SPON1: variants seen among roughly 807,000 people sequenced by gnomAD.
The protein encoded by SPON1 is spondin-1.
Under a neutral mutation model 111.7 loss-of-function variants are expected in SPON1, and 52 were observed. The observed-to-expected ratio is 0.47, with a 90% CI of 0.37 to 0.59. The LOEUF (loss-of-function observed/expected upper bound fraction) is 0.59, where lower values mean the gene tolerates loss of function less well. Among genes scored for constraint, SPON1 ranks in the 20% least tolerant of loss-of-function variants. SPON1 has a pLI of 0.00. For missense variants in SPON1, 957 were observed against 1,068.5 expected, an observed-to-expected ratio of 0.90 and a Z score of 1.46; for synonymous variants, 410 against 395.8, an observed-to-expected ratio of 1.04 and a Z score of -0.43.
chr11:14,257,985 G>A, intron 11 of SPON1, 87 bp downstream of exon 11: 2 of 1,299,564 alleles, frequency 1.5e-6, no homozygotes, highest in Non-Finnish European at 2.0e-6. Context: ...TCCCTGGTGA[G>A]GGCACAAGGA....
intron 5 of SPON1, among the ~76,000 whole-genome samples, chr11:14,108,595 C>A (rs1849202945): frequency 6.6e-6 from 1 of 152,170 alleles, no homozygotes; most frequent in Admixed American, 6.6e-5. Context: ...AGATTTTATA[C>A]TACAAGGCCT....
intron 6 of SPON1, among the ~76,000 whole-genome samples, chr11:14,237,121 C>A (rs1848876456): frequency 6.6e-6 from 1 of 152,178 alleles, no homozygotes; most frequent in Non-Finnish European, 1.5e-5. Context: ...CCCGTTATCA[C>A]CTCATAAAAT....
intron 2 of SPON1, among the ~76,000 whole-genome samples, chr11:14,019,911 G>C (rs562257481): frequency 1.3e-5 from 2 of 152,292 alleles, no homozygotes; most frequent in East Asian, 3.9e-4. Flanking sequence ...TTTTGTCAGA[G>C]AGGAAAATCC....
chr11:14,076,946 C>T (rs1386588894), intron 4 of SPON1, among the ~76,000 whole-genome samples: 1 of 152,222 alleles, frequency 6.6e-6, no homozygotes, highest in Non-Finnish European at 1.5e-5. Flanking sequence ...CAAGTTCACT[C>T]AGCCTTTCTC....
At chr11:14,052,553 T>C (rs1375637917) in intron 3 of SPON1, among the ~76,000 whole-genome samples, 1 of 152,184 alleles carries the variant, frequency 6.6e-6, no homozygotes. Flanking sequence ...GAAAAGGGAC[T>C]AGGAAACCCC....
At chr11:14,173,488 C>A (rs2133883297) in intron 6 of SPON1, among the ~76,000 whole-genome samples, 1 of 152,284 alleles carries the variant, frequency 6.6e-6, no homozygotes, top group South Asian at 2.1e-4. Flanking sequence ...CTTCTTCTCT[C>A]AACTCGTCAA....
At chr11:14,005,727 T>A (rs200813285) in intron 2 of SPON1, among the ~76,000 whole-genome samples, 1 of 151,702 alleles carries the variant, frequency 6.6e-6, no homozygotes, top group East Asian at 1.9e-4. Flanking sequence ...AGTTGCTAAG[T>A]ATTATTATAA....
At chr11:14,017,652 A>T (rs904988482) in intron 2 of SPON1, among the ~76,000 whole-genome samples, 5 of 152,234 alleles carry the variant, frequency 3.3e-5, no homozygotes, top group Admixed American at 2.6e-4. Context: ...CCTTGCCTAA[A>T]GTAGCAGGGC....
At chr11:13,981,615 C>T (rs1044236184) in intron 1 of SPON1, among the ~76,000 whole-genome samples, 4 of 152,202 alleles carry the variant, frequency 2.6e-5, no homozygotes, top group African/African-American at 4.8e-5. Flanking sequence ...CGTGAGCCAC[C>T]GTGCCCGGCC....
At chr11:13,977,226 G>A (rs1226639831) in intron 1 of SPON1, among the ~76,000 whole-genome samples, 2 of 152,302 alleles carry the variant, frequency 1.3e-5, no homozygotes, top group East Asian at 1.9e-4. Flanking sequence ...GTATTGCTGG[G>A]TGATAGGGTA....
chr11:14,251,820 T>C (rs1268755144), intron 7 of SPON1, among the ~76,000 whole-genome samples: 1 of 152,188 alleles, frequency 6.6e-6, no homozygotes, highest in African/African-American at 2.4e-5. Context: ...CTCCATAGAC[T>C]GCAATCCTTG....
chr11:14,208,843 G>C (rs1212019207), intron 6 of SPON1, among the ~76,000 whole-genome samples: 1 of 152,066 alleles, frequency 6.6e-6, no homozygotes, highest in Non-Finnish European at 1.5e-5. Context: ...CTGGTTTTGT[G>C]AGTACTTTAT....
At chr11:14,002,539 G>A (rs1227302853) in intron 2 of SPON1, among the ~76,000 whole-genome samples, 9 of 152,178 alleles carry the variant, frequency 5.9e-5, no homozygotes, top group Non-Finnish European at 1.3e-4. Context: ...TGGAGCAAGT[G>A]CAGGAGGAAT....
rs548646229 is a variant in SPON1, at chr11:14,045,832, T to C, written c.479+4178T>C. Among the ~76,000 whole-genome samples the C allele has an allele frequency of 2.0e-5, 3 of 152,098 alleles. No individual in the cohort carries two copies. In the South Asian group the frequency reaches 6.2e-4, roughly 32 times the overall value. On this transcript the variant is annotated intron_variant, in intron 3 of 15. Coordinates refer to ENST00000576479, the MANE Select transcript of SPON1 (RefSeq NM_006108.4). Reference sequence around the variant, plus strand: ...TTTCTTTTAACTTTGCTTGTGGGTGTCTAATCAGTCAAAAGTTTGAAATTT... The same window carrying C: ...TTTCTTTTAACTTTGCTTGTGGGTGCCTAATCAGTCAAAAGTTTGAAATTT...
rs1180822474 is a variant in SPON1, at chr11:13,962,918, C to T, written c.14C>T (p.Pro5Leu). The stretch of plus-strand genomic sequence containing the variant: ...GGGGCCGCGAAGATGAGGCTGTCCC[C>T]GGCGCCCCTGAAGCTGAGCCGGACT... MRLS[P>L]APLKLSRTPA... Residue 5 changes from proline to leucine, a missense_variant, in exon 1 of 16, where the codon CCG (proline) becomes CTG (leucine). Physicochemically the swap from Pro to Leu is moderately conservative, Grantham distance 98. Coordinates refer to ENST00000576479, the MANE Select transcript of SPON1 (RefSeq NM_006108.4). 4 of 1,546,234 alleles carry T rather than the reference C, an allele frequency of 2.6e-6. No homozygotes were observed. The highest frequency in any genetic ancestry group is 1.7e-4 in the Middle Eastern group (1 of 5,848).
chr11:14,203,337 T>C (rs4756776), intron 6 of SPON1, among the ~76,000 whole-genome samples: 1 of 152,148 alleles, frequency 6.6e-6, no homozygotes, highest in East Asian at 1.9e-4. Context: ...ACACACAGAC[T>C]GGGCTGCTGG....
intron 6 of SPON1, among the ~76,000 whole-genome samples, chr11:14,197,619 G>T (rs1848417072): frequency 6.7e-6 from 1 of 148,706 alleles, no homozygotes; most frequent in East Asian, 2.0e-4. Flanking sequence ...TCTGGCTAAT[G>T]CAGTGGAACC....
intron 6 of SPON1, among the ~76,000 whole-genome samples, chr11:14,144,685 A>G (rs1223819753): frequency 2.0e-5 from 3 of 150,092 alleles, no homozygotes; most frequent in Non-Finnish European, 4.4e-5. Context: ...AATAAAAAGT[A>G]AAAACCCAAA....
intron 3 of SPON1, among the ~76,000 whole-genome samples, chr11:14,066,864 C>A (rs1255833971): frequency 2.6e-5 from 4 of 152,116 alleles, no homozygotes; most frequent in African/African-American, 9.7e-5. Context: ...GAAGGGCATC[C>A]CTGCCCCTCA....
Sources: allele counts gnomAD v4.1 joint callset (sites outside exome capture counted in the v4.1 genomes callset), GRCh38; gene constraint gnomAD v4.1.1; transcripts MANE v1.5; gene names NCBI Gene and HGNC (gene_info 2026-07-23, HGNC 2026-07-21).